SMOC2: variants seen among roughly 807,000 people sequenced by gnomAD.
SMOC2 encodes the protein SPARC-related modular calcium-binding protein 2.
A neutral mutation model predicts 61.4 loss-of-function variants in SMOC2; 39 were observed. The observed-to-expected ratio is 0.64, with a 90% CI of 0.49 to 0.83. The LOEUF (loss-of-function observed/expected upper bound fraction) is 0.83. Ranked by LOEUF, SMOC2 falls within the 40% of genes least tolerant of loss-of-function variation. The pLI is 0.00. For missense variants in SMOC2, 556 were observed against 592.9 expected (o/e 0.94, Z 0.65); for synonymous variants, 247 against 239.9 (o/e 1.03, Z -0.27).
intron 8 of SMOC2, among the ~76,000 whole-genome samples, chr6:168,601,506 T>G (rs1785554588): frequency 6.6e-6 from 1 of 152,202 alleles, no homozygotes; most frequent in Non-Finnish European, 1.5e-5. Context: ...AATTATTATT[T>G]TTTTAGTTTC....
Position 168,558,860 on chromosome 6 carries a change from CAT to C in SMOC2, c.637+9658_637+9659del, listed in dbSNP as rs1491276925. On this transcript the variant is annotated intron_variant, in intron 7 of 12. Transcript: ENST00000356284. ...GCACGTGTGTATGTGCGCGTGTGCG[CAT>C]GTGTGTGCATGTGTGTGCGTGTGTG... Among the ~76,000 whole-genome samples the C allele has an allele frequency of 6.0e-3, 641 of 106,440 alleles. 7 individuals are homozygous for C. The highest frequency in any genetic ancestry group is 0.036 in the African/African-American group (584 of 16,162). The allele number at this position is 106,440 out of a possible 152,430, so 69.8% of individuals were successfully genotyped here.
chr6:168,620,715 C>T (rs542020357), intron 9 of SMOC2, among the ~76,000 whole-genome samples: 2 of 152,260 alleles, frequency 1.3e-5, no homozygotes, highest in East Asian at 3.9e-4. Context: ...CGTGAGAAAT[C>T]ACTTCTGCAG....
rs917077476 is a variant in SMOC2 at position 168,558,805 on chromosome 6, A to ATG, written c.637+9613_637+9614dup. 2.3e-3 allele frequency among the ~76,000 whole-genome samples: 152 copies of ATG among 67,146 alleles called. 3 individuals carry two copies. The South Asian group carries it at 0.056, about 25-fold the overall frequency. 44.1% of individuals were successfully genotyped at this position (67,146 alleles called of 152,430 possible). On this transcript the variant is annotated intron_variant, in intron 7 of 12. Coordinates refer to ENST00000356284, the MANE Select transcript of SMOC2 (RefSeq NM_001166412.2). ...CGTATGTGTGGGTGTGCGTGTGCGC[A>ATG]TGTGTGTGTGTGCGTATGTGCATGT...
At chr6:168,586,332 C>CT (rs1300103456) in intron 7 of SMOC2, among the ~76,000 whole-genome samples, 1 of 152,040 alleles carries the variant, frequency 6.6e-6, no homozygotes, top group African/African-American at 2.4e-5. Flanking sequence ...GCTTTTTATT[C>CT]TTTTCCAGTC....
intron 2 of SMOC2, among the ~76,000 whole-genome samples, chr6:168,512,112 A>G (rs550749933): frequency 2.9e-4 from 44 of 152,242 alleles, no homozygotes; most frequent in African/African-American, 9.4e-4. Flanking sequence ...CCAGGACAGA[A>G]GCCCACTCAG....
In SMOC2 at chr6:168,665,165, C is replaced by T; in HGVS notation, c.1323+1054C>T. On this transcript the variant is annotated intron_variant, in intron 12 of 12. Transcript: ENST00000356284. The stretch of plus-strand genomic sequence containing the variant: ...GACCTCCAGAAGTTGTTTTCATTCC[C>T]GAATGGCAATCACTGTACTCATGCG... The T allele has an allele frequency of 1.4e-5, 3 of 218,100 alleles. 1 individual carries two copies. Among genetic ancestry groups the T allele is most frequent in the South Asian group, 1.3e-4 (2 of 15,316 alleles). 13.5% of individuals were successfully genotyped at this position (218,100 alleles called of 1,614,324 possible). A position where few individuals can be genotyped will look rare whatever the true frequency, so the allele number is the denominator to read the frequency against.
intron 7 of SMOC2, among the ~76,000 whole-genome samples, chr6:168,557,786 AG>A (rs1275096196): frequency 6.6e-6 from 1 of 152,192 alleles, no homozygotes; most frequent in African/African-American, 2.4e-5. Flanking sequence ...GATGCTTATG[AG>A]GTACCAGGCA....
chr6:168,459,340 C>G (rs1298028256), intron 1 of SMOC2, among the ~76,000 whole-genome samples: 1 of 152,146 alleles, frequency 6.6e-6, no homozygotes, highest in Non-Finnish European at 1.5e-5. Context: ...GGTGGGGAAT[C>G]TGGGCCATCG....
chr6:168,612,559 T>C (rs1278871944), intron 9 of SMOC2, among the ~76,000 whole-genome samples: 1 of 150,494 alleles, frequency 6.6e-6, no homozygotes. Context: ...CAGCGCTGGG[T>C]TCGTGATCTC....
chr6:168,545,755 G>A (rs1583098385), intron 5 of SMOC2, among the ~76,000 whole-genome samples: 1 of 152,224 alleles, frequency 6.6e-6, no homozygotes, highest in Non-Finnish European at 1.5e-5. Context: ...ATGGGCTGGT[G>A]GTCCCAGAGT....
At chr6:168,507,061 G>A (rs55803021) in intron 1 of SMOC2, among the ~76,000 whole-genome samples, 15,353 of 152,154 alleles carry the variant, frequency 0.1, 1,049 homozygotes, top group Non-Finnish European at 0.15. Flanking sequence ...TGTTAGTTCC[G>A]CACCAGTACA....
chr6:168,516,219 G>A (rs1783131039), intron 2 of SMOC2, among the ~76,000 whole-genome samples: 1 of 152,082 alleles, frequency 6.6e-6, no homozygotes, highest in East Asian at 1.9e-4. Context: ...ATAGAACTGC[G>A]GTAGTTTACA....
At chr6:168,657,275 C>G (rs1787347711) in intron 11 of SMOC2, among the ~76,000 whole-genome samples, 1 of 152,242 alleles carries the variant, frequency 6.6e-6, no homozygotes. Flanking sequence ...CACTTGCAGA[C>G]AAGGACACAC....
intron 1 of SMOC2, among the ~76,000 whole-genome samples, chr6:168,448,015 G>A (rs1324250464): frequency 6.6e-6 from 1 of 152,120 alleles, no homozygotes; most frequent in Non-Finnish European, 1.5e-5. Flanking sequence ...ATTGACTCCT[G>A]AAGGCTTTCC....
intron 11 of SMOC2, among the ~76,000 whole-genome samples, chr6:168,659,356 G>A (rs554496063): frequency 6.6e-6 from 1 of 151,920 alleles, no homozygotes; most frequent in Non-Finnish European, 1.5e-5. Context: ...GGGAGCAAGG[G>A]ACTGGCCCTG....
intron 9 of SMOC2, among the ~76,000 whole-genome samples, chr6:168,647,502 G>A (rs1583185150): frequency 6.6e-6 from 1 of 152,326 alleles, no homozygotes; most frequent in East Asian, 1.9e-4. Context: ...AGGGACGAGG[G>A]TCTCTGCAGC....
chr6:168,546,414 AG>A (rs1382014180), intron 5 of SMOC2, among the ~76,000 whole-genome samples: 2 of 152,012 alleles, frequency 1.3e-5, no homozygotes, highest in Non-Finnish European at 2.9e-5. Context: ...TTTCTTTACC[AG>A]GGGGCCCAAT....
At chr6:168,599,419 C>A (rs1230002012) in intron 8 of SMOC2, among the ~76,000 whole-genome samples, 10 of 134,872 alleles carry the variant, frequency 7.4e-5, no homozygotes, top group Non-Finnish European at 1.4e-4. Context: ...CACATTCATA[C>A]CCCCCACACC....
chr6:168,596,277 C>A (rs1052212944), intron 7 of SMOC2, among the ~76,000 whole-genome samples: 1,738 of 93,222 alleles, frequency 0.019, no homozygotes, highest in Middle Eastern at 0.035. Context: ...TGAACAGGTG[C>A]CATGTGAACA....
Sources: gnomAD v4.1 joint callset for allele counts (sites outside exome capture counted in the v4.1 genomes callset) on GRCh38, gnomAD v4.1.1 for gene constraint, MANE v1.5 for transcripts, NCBI Gene and HGNC (gene_info 2026-07-23, HGNC 2026-07-21) for gene names.